The following KIAA0513 variants were observed in gnomAD, a reference collection of about 807,000 sequenced individuals.
The protein encoded by KIAA0513 is uncharacterized protein KIAA0513.
In KIAA0513, 39 loss-of-function variants were observed where a neutral mutation model predicts 56.5. The ratio of observed to expected loss-of-function variants is 0.69; its 90% CI spans 0.53 to 0.90. The LOEUF is 0.90. KIAA0513 is among the 40% of genes least tolerant of loss of function. KIAA0513 has a pLI of 0.00. For missense variants in KIAA0513, 591 were observed against 535.2 expected, an observed-to-expected ratio of 1.10 and a Z score of -1.03; for synonymous variants, 268 against 215.6, an observed-to-expected ratio of 1.24 and a Z score of -2.13.
intron 1 of KIAA0513, among the ~76,000 whole-genome samples, chr16:85,038,110 C>T (rs1474153094): frequency 6.6e-6 from 1 of 152,172 alleles, no homozygotes; most frequent in Non-Finnish European, 1.5e-5. Flanking sequence ...TCCCTGTAGC[C>T]CTCCCACCCT....
chr16:85,050,342 TATTTATTTA>T (rs1433812410), intron 1 of KIAA0513, among the ~76,000 whole-genome samples: 109 of 107,344 alleles, frequency 1.0e-3, no homozygotes, highest in African/African-American at 4.3e-3. Flanking sequence ...TTTATTTATT[TATTTATTTA>T]TTTATTTATT....
intron 1 of KIAA0513, among the ~76,000 whole-genome samples, chr16:85,032,095 G>T (rs1446721038): frequency 6.6e-6 from 1 of 152,192 alleles, no homozygotes; most frequent in Non-Finnish European, 1.5e-5. Flanking sequence ...CGACAGGGCT[G>T]GTTCCTTCTT....
At chr16:85,061,726 C>A (rs1054531664) in intron 1 of KIAA0513, among the ~76,000 whole-genome samples, 1 of 152,174 alleles carries the variant, frequency 6.6e-6, no homozygotes, top group East Asian at 1.9e-4. Flanking sequence ...GTGAGCACAG[C>A]TCCATGGGGA....
rs1266817727 is a variant in KIAA0513 at position 85,092,287 on chromosome 16, G to T, written c.*3962G>T. The T allele has an allele frequency of 6.6e-6, 1 of 152,224 alleles. No homozygotes were observed. The highest frequency in any genetic ancestry group is 1.9e-4 in the East Asian group (1 of 5,194). 9.4% of individuals were successfully genotyped at this position (152,224 alleles called of 1,614,324 possible). ...GGAAGGATCCAGCTAGGCCCGTGTG[G>T]TTAGATCAGCTTTGTTACTGAATTA... On this transcript the variant is annotated 3_prime_UTR_variant, in exon 13 of 13. Transcript: ENST00000683363.
At position 85,033,214 on chromosome 16, in the gene KIAA0513, C is replaced by T. The variant is rs117802895; in HGVS notation, c.-173+5356C>T. On this transcript the variant is annotated intron_variant, in intron 1 of 12. Coordinates refer to ENST00000683363, the MANE Select transcript of KIAA0513 (RefSeq NM_001388359.1). ...ACCGTGAAGAGGTCGAGCAATCCAG[C>T]GACCTGCCCGAGGCCATGCGGCTCC... Among the ~76,000 whole-genome samples the T allele has an allele frequency of 1.8e-4, 27 of 152,276 alleles. No individual in the cohort carries two copies. The East Asian group carries it at 4.1e-3, about 23-fold the overall frequency.
rs992087684 is a variant in KIAA0513 at position 85,075,111 on chromosome 16, G to A, written c.504-733G>A. ...GGATTTTTTAGTTTTATAATCTTTA[G>A]TTTGTTAAACATCTAAAGTAAAAAG... On this transcript the variant is annotated intron_variant, in intron 4 of 12. Coordinates refer to ENST00000683363, the MANE Select transcript of KIAA0513 (RefSeq NM_001388359.1). Among the ~76,000 whole-genome samples, 46 of 111,358 alleles carry A rather than the reference G, an allele frequency of 4.1e-4. 2 individuals are homozygous for A. The highest frequency in any genetic ancestry group is 1.4e-3 in the African/African-American group (46 of 31,844). The allele number at this position is 111,358 out of a possible 152,430, so 73.1% of individuals were successfully genotyped here. A position where few individuals can be genotyped will look rare whatever the true frequency, so the allele number is the denominator to read the frequency against.
intron 5 of KIAA0513, 75 bp downstream of exon 5, chr16:85,075,989 C>G: frequency 2.4e-6 from 3 of 1,234,344 alleles, no homozygotes; most frequent in Non-Finnish European, 3.6e-6. Flanking sequence ...AGGAAGCTTT[C>G]TTCATGATAA....
rs1303059649 is a variant in KIAA0513 at position 85,090,423 on chromosome 16, G to C, written c.*2098G>C. 1 of 152,214 alleles carries C rather than the reference G, an allele frequency of 6.6e-6. No individual in the cohort carries two copies. Among genetic ancestry groups the C allele is most frequent in the Non-Finnish European group, 1.5e-5 (1 of 68,032 alleles). 9.4% of individuals were successfully genotyped at this position (152,214 alleles called of 1,614,324 possible). On this transcript the variant is annotated 3_prime_UTR_variant, in exon 13 of 13. Coordinates refer to ENST00000683363, the MANE Select transcript of KIAA0513 (RefSeq NM_001388359.1). The stretch of plus-strand genomic sequence containing the variant: ...GTATGTACAGGATTTTTGTATGAAA[G>C]TTTTGTTTGATTCTGAGACTCTCTT...
In KIAA0513 at chr16:85,078,852, G is replaced by A. The variant is rs1460375892; in HGVS notation, c.824-73G>A. The stretch of plus-strand genomic sequence containing the variant: ...TCGGGGAGAAACTGGCTGCTGGGAG[G>A]CTGTCACCCGGGGTTTGCCAACAGT... On this transcript the variant is annotated intron_variant, in intron 7 of 12. Transcript: ENST00000683363. 3.3e-6 allele frequency: 5 copies of A among 1,500,678 alleles called. No homozygotes were observed. The South Asian group carries it at 5.6e-5, about 17-fold the overall frequency. The allele number at this position is 1,500,678 out of a possible 1,614,324, so 93.0% of individuals were successfully genotyped here. A position where few individuals can be genotyped will look rare whatever the true frequency, so the allele number is the denominator to read the frequency against.
At chr16:85,044,985 G>C (rs1414231724) in intron 1 of KIAA0513, among the ~76,000 whole-genome samples, 2 of 152,102 alleles carry the variant, frequency 1.3e-5, no homozygotes, top group Non-Finnish European at 2.9e-5. Context: ...GGGCGTGGTG[G>C]TGGGCACCTG....
At chr16:85,049,230 C>T (rs191118799) in intron 1 of KIAA0513, among the ~76,000 whole-genome samples, 10 of 152,350 alleles carry the variant, frequency 6.6e-5, no homozygotes, top group East Asian at 1.9e-4. Flanking sequence ...CTCACTGTGG[C>T]CCGCCAGGCC....
intron 1 of KIAA0513, among the ~76,000 whole-genome samples, chr16:85,043,887 C>G (rs1032949794): frequency 1.3e-5 from 2 of 152,124 alleles, no homozygotes; most frequent in African/African-American, 4.8e-5. Flanking sequence ...ACAAAATTAG[C>G]CGGGCGAGGT....
At chr16:85,043,624 G>A (rs1358034884) in intron 1 of KIAA0513, among the ~76,000 whole-genome samples, 1 of 151,946 alleles carries the variant, frequency 6.6e-6, no homozygotes, top group African/African-American at 2.4e-5. Flanking sequence ...TATTAGCCAG[G>A]TTGGTCTTGA....
intron 1 of KIAA0513, among the ~76,000 whole-genome samples, chr16:85,052,117 C>T (rs547484610): frequency 1.1e-4 from 17 of 152,014 alleles, no homozygotes; most frequent in Admixed American, 2.0e-4. Flanking sequence ...GTCAACAGAT[C>T]GAGACCGTCC....
chr16:85,075,710 A>G, intron 4 of KIAA0513, 134 bp from the exon 5 acceptor site: 1 of 722,520 alleles, frequency 1.4e-6, no homozygotes, highest in Non-Finnish European at 2.5e-6. Flanking sequence ...ACTTGGGGAG[A>G]TTGTTTTGTG....
chr16:85,031,145 C>T (rs2072958669), intron 1 of KIAA0513, among the ~76,000 whole-genome samples: 1 of 152,102 alleles, frequency 6.6e-6, no homozygotes, highest in Non-Finnish European at 1.5e-5. Flanking sequence ...TCTGTAGAGG[C>T]CCAAGGTTCC....
intron 1 of KIAA0513, among the ~76,000 whole-genome samples, chr16:85,057,808 T>A (rs2073351228): frequency 6.6e-6 from 1 of 151,486 alleles, no homozygotes; most frequent in South Asian, 2.1e-4. Flanking sequence ...TTACCTTTCC[T>A]GTGGTGCTGA....
chr16:85,070,600 C>T (rs1050592810), intron 2 of KIAA0513, among the ~76,000 whole-genome samples: 1 of 152,318 alleles, frequency 6.6e-6, no homozygotes, highest in Admixed American at 6.5e-5. Context: ...ATCACTTGAA[C>T]CCAGGAGGCA....
At chr16:85,056,222 C>T (rs1024887895) in intron 1 of KIAA0513, among the ~76,000 whole-genome samples, 18 of 152,226 alleles carry the variant, frequency 1.2e-4, no homozygotes, top group African/African-American at 3.9e-4. Context: ...GGATCCTAAA[C>T]TGCCATAGGA....
Sources: allele counts gnomAD v4.1 joint callset (sites outside exome capture counted in the v4.1 genomes callset), GRCh38; gene constraint gnomAD v4.1.1; transcripts MANE v1.5; gene names NCBI Gene and HGNC (gene_info 2026-07-23, HGNC 2026-07-21).